Variants in NSA2 observed in about 807,000 individuals in gnomAD.
The protein encoded by NSA2 is ribosome biogenesis protein NSA2 homolog.
NSA2 carries 18 observed loss-of-function variants against 34.8 expected under a neutral mutation model. That is an observed-to-expected ratio of 0.52 (90% confidence interval 0.36 to 0.77). The LOEUF is 0.77. Ranked by LOEUF, NSA2 falls within the 30% of genes least tolerant of loss-of-function variation. NSA2 has a pLI of 0.00. For missense variants in NSA2, 188 were observed against 314.7 expected (o/e 0.60, Z 3.05); for synonymous variants, 79 against 100.2 (o/e 0.79, Z 1.26).
intron 5 of NSA2, among the ~76,000 whole-genome samples, chr5:74,775,031 C>T (rs879129857): frequency 6.6e-6 from 1 of 151,916 alleles, no homozygotes; most frequent in African/African-American, 2.4e-5. Flanking sequence ...GCCTGGCCAA[C>T]ATGGTGAAAC....
At chr5:74,770,901 T>C (rs1428293139) in intron 4 of NSA2, 91 bp downstream of exon 4, 1 of 1,008,826 alleles carries the variant, frequency 9.9e-7, no homozygotes, top group African/African-American at 1.7e-5. Flanking sequence ...ATTCTTTAAA[T>C]TGATGTGGAA....
intron 4 of NSA2, among the ~76,000 whole-genome samples, chr5:74,771,325 G>A (rs1744920006): frequency 6.6e-6 from 1 of 151,722 alleles, no homozygotes; most frequent in Non-Finnish European, 1.5e-5. Context: ...ATTTGAAAAA[G>A]TAGTATCATA....
At chr5:74,773,470 CA>C (rs768356175) in intron 4 of NSA2, among the ~76,000 whole-genome samples, 5,587 of 98,988 alleles carry the variant, frequency 0.056, 155 homozygotes, top group African/African-American at 0.11. Flanking sequence ...CCATCTCTAC[CA>C]AAAAAAAAAA....
chr5:74,767,444 G>GCAC, intron 1 of NSA2, 81 bp downstream of exon 1: 1 of 1,552,570 alleles, frequency 6.4e-7, no homozygotes, highest in East Asian at 2.3e-5. Flanking sequence ...CTGGGGTAGG[G>GCAC]GGTGAGCGGT....
chr5:74,774,161 T>C (rs576026229), intron 5 of NSA2, 101 bp downstream of exon 5: 2 of 726,986 alleles, frequency 2.8e-6, no homozygotes, highest in South Asian at 2.2e-5. Flanking sequence ...ATTTTTTTAA[T>C]GCAGTAGAGC....
rs761709918 is a variant in NSA2, at chr5:74,768,895, T to G, written c.4-36T>G. On this transcript the variant is annotated intron_variant, in intron 1 of 5. Transcript: ENST00000610426. ...CATTTTAGAATAATTGTCAGTACTTTAAAAAATTAAAATAATATTTCTTCC... is the reference window on the plus strand; with the variant it reads ...CATTTTAGAATAATTGTCAGTACTTGAAAAAATTAAAATAATATTTCTTCC... 15 of 1,440,444 alleles carry G rather than the reference T, an allele frequency of 1.0e-5. No homozygotes were observed. The Admixed American group carries it at 1.9e-4, about 18-fold the overall frequency. 89.2% of individuals were successfully genotyped at this position (1,440,444 alleles called of 1,614,324 possible).
At chr5:74,771,298 T>C (rs2112416266) in intron 4 of NSA2, among the ~76,000 whole-genome samples, 1 of 152,066 alleles carries the variant, frequency 6.6e-6, no homozygotes, top group East Asian at 1.9e-4. Context: ...AAAAAAATCT[T>C]TTCAGCTTCG....
chr5:74,774,669 TA>T (rs1189611748), intron 5 of NSA2, among the ~76,000 whole-genome samples: 1 of 152,026 alleles, frequency 6.6e-6, no homozygotes, highest in Non-Finnish European at 1.5e-5. Flanking sequence ...AAGTTATAAC[TA>T]AGAAATATTA....
At chr5:74,772,803 C>G (rs1273074245) in intron 4 of NSA2, among the ~76,000 whole-genome samples, 3 of 152,206 alleles carry the variant, frequency 2.0e-5, no homozygotes, top group Non-Finnish European at 4.4e-5. Flanking sequence ...CAGTTTCTTA[C>G]AAGCTTGATT....
rs1745181038 is a variant in NSA2 at position 74,777,550 on chromosome 5, T to G, written c.*879T>G. 1.3e-5 allele frequency: 2 copies of G among 152,052 alleles called. No individual in the cohort carries two copies. Among genetic ancestry groups the G allele is most frequent in the Non-Finnish European group, 2.9e-5 (2 of 67,930 alleles). The allele number at this position is 152,052 out of a possible 1,614,324, so 9.4% of individuals were successfully genotyped here. On this transcript the variant is annotated 3_prime_UTR_variant, in exon 6 of 6. Transcript: ENST00000610426. ...GTTGTGGTTTTAAGGATGGCGTATA[T>G]TACATTAATCTATAATCACCACATT...
chr5:74,768,046 G>A (rs538770481), intron 1 of NSA2, among the ~76,000 whole-genome samples: 3 of 152,158 alleles, frequency 2.0e-5, no homozygotes, highest in African/African-American at 7.2e-5. Context: ...ACGCCTGGCC[G>A]CGTGTTTAAA....
intron 4 of NSA2, among the ~76,000 whole-genome samples, 190 bp downstream of exon 4, chr5:74,771,000 C>T (rs901054737): frequency 6.6e-6 from 1 of 152,028 alleles, no homozygotes; most frequent in African/African-American, 2.4e-5. Flanking sequence ...ATCTTTAGCC[C>T]AGTGCGGTGG....
chr5:74,774,598 C>T (rs1745050774), intron 5 of NSA2, among the ~76,000 whole-genome samples: 1 of 151,750 alleles, frequency 6.6e-6, no homozygotes, highest in South Asian at 2.1e-4. Context: ...AGCAAATCTC[C>T]ATCTCAAAAA....
At chr5:74,770,877 TATC>T (rs1438256652) in intron 4 of NSA2, 67 bp downstream of exon 4, 2 of 1,183,274 alleles carry the variant, frequency 1.7e-6, no homozygotes, top group Non-Finnish European at 2.3e-6. Flanking sequence ...TAAAGAACAT[TATC>T]ATTTCCTGAA....
chr5:74,769,162 G>T, intron 2 of NSA2, 44 bp downstream of exon 2: 2 of 1,592,692 alleles, frequency 1.3e-6, no homozygotes, highest in South Asian at 2.3e-5. Context: ...AACATCTTTT[G>T]AGTAATCATT....
At position 74,769,041 on chromosome 5, in the gene NSA2, G is replaced by A. The variant is rs567176783; in HGVS notation, c.114G>A (p.Lys38=). Reference sequence around the variant, plus strand: ...GAGAGGCTCATGAACGTTCAAAGAAGGCAAAGAAAATGATTGGTCTGAAGG... The same window carrying A: ...GAGAGGCTCATGAACGTTCAAAGAAAGCAAAGAAAATGATTGGTCTGAAGG... ...ESREAHERSK[K]AKKMIGLKAK... Residue 38 remains lysine, a synonymous_variant, in exon 2 of 6, where the codon AAG becomes AAA. Transcript: ENST00000610426. 9.3e-6 allele frequency: 15 copies of A among 1,612,256 alleles called. No homozygotes were observed. The African/African-American group carries it at 1.1e-4, about 11-fold the overall frequency.
chr5:74,775,201 G>A (rs1745070727), intron 5 of NSA2, among the ~76,000 whole-genome samples: 1 of 152,194 alleles, frequency 6.6e-6, no homozygotes, highest in African/African-American at 2.4e-5. Flanking sequence ...GGATGACAGA[G>A]CGAGACTCTG....
rs1236649875 is a variant in NSA2 at position 74,777,807 on chromosome 5, A to C, written c.*1136A>C. 3 of 152,094 alleles carry C rather than the reference A, an allele frequency of 2.0e-5. No individual in the cohort carries two copies. Among genetic ancestry groups the C allele is most frequent in the Non-Finnish European group, 4.4e-5 (3 of 67,942 alleles). The allele number at this position is 152,094 out of a possible 1,614,324, so 9.4% of individuals were successfully genotyped here. A position where few individuals can be genotyped will look rare whatever the true frequency, so the allele number is the denominator to read the frequency against. On this transcript the variant is annotated 3_prime_UTR_variant, in exon 6 of 6. Transcript: ENST00000610426. ...AAAAAAAAATAAAAACCAAGAAAAC[A>C]AACATAGGTACTCCAGTAAGACTTG...
At position 74,769,137 on chromosome 5, in the gene NSA2, T is replaced by G; in HGVS notation, c.191+19T>G. ...AAAAGACGTAAGTGGTCTCATTTAT[T>G]TGTCATAACAAGTTAACATCTTTTG... On this transcript the variant is annotated intron_variant, in intron 2 of 5. Coordinates refer to ENST00000610426, the MANE Select transcript of NSA2 (RefSeq NM_014886.6). 2.5e-6 allele frequency: 4 copies of G among 1,598,262 alleles called. No homozygotes were observed. The highest frequency in any genetic ancestry group is 3.4e-6 in the Non-Finnish European group (4 of 1,174,814).
Sources: gnomAD v4.1 joint callset for allele counts (sites outside exome capture counted in the v4.1 genomes callset) on GRCh38, gnomAD v4.1.1 for gene constraint, MANE v1.5 for transcripts, NCBI Gene and HGNC (gene_info 2026-07-23, HGNC 2026-07-21) for gene names.